Variants in PSAT1 observed in about 807,000 individuals in gnomAD.
PSAT1 encodes the protein phosphoserine aminotransferase 1.
In PSAT1, 41 loss-of-function variants were observed where a neutral mutation model predicts 40.3. The ratio of observed to expected loss-of-function variants is 1.02; its 90% CI spans 0.79 to 1.32. PSAT1 has a LOEUF of 1.32. Among genes scored for constraint, PSAT1 ranks in the 40% most tolerant of loss-of-function variants. PSAT1 has a pLI of 0.00. For synonymous variants in PSAT1, 147 were observed against 170.5 expected (o/e 0.86, Z 1.07); for missense variants, 406 against 455.8 (o/e 0.89, Z 0.99).
At chr9:78,306,916 G>A (rs1294401485) in intron 5 of PSAT1, among the ~76,000 whole-genome samples, 1 of 152,236 alleles carries the variant, frequency 6.6e-6, no homozygotes, top group Non-Finnish European at 1.5e-5. Flanking sequence ...CCAAGGCAGG[G>A]CAGTGGGACT....
chr9:78,297,539 G>T (rs538658277), intron 1 of PSAT1, among the ~76,000 whole-genome samples: 395 of 152,228 alleles, frequency 2.6e-3, no homozygotes, highest in African/African-American at 9.2e-3. Context: ...TCAGCTGGCC[G>T]GGGCCTGCTG....
chr9:78,302,083 T>A, intron 3 of PSAT1, 60 bp downstream of exon 3: 1 of 1,167,138 alleles, frequency 8.6e-7, no homozygotes, highest in Non-Finnish European at 1.3e-6. Flanking sequence ...AATCTGGATG[T>A]CTTCCAGTAT....
Position 78,301,969 on chromosome 9 carries a change from C to T in PSAT1, c.137C>T (p.Ser46Leu). 4 of 1,610,536 alleles carry T rather than the reference C, an allele frequency of 2.5e-6. No homozygotes were observed. In the African/African-American group the frequency reaches 4.0e-5, roughly 16 times the overall value. The stretch of plus-strand genomic sequence containing the variant: ...CCTTTCACAGAAATGAGTCACAGGT[C>T]ATCAGATTTTGCCAAGATTATTAAC... ...GISVLEMSHR[S>L]SDFAKIINNT... Residue 46 changes from serine to leucine, a missense_variant, in exon 3 of 9, where the codon TCA becomes TTA. Transcript: ENST00000376588.
In PSAT1 at chr9:78,299,144, C is replaced by CAAAA. The variant is rs71360679; in HGVS notation, c.61-1433_61-1430dup. On this transcript the variant is annotated intron_variant, in intron 1 of 8. Coordinates refer to ENST00000376588, the MANE Select transcript of PSAT1 (RefSeq NM_058179.4). ...GATAGAGCAAGACCCTGTCTCTTAA[C>CAAAA]AAAAAAAAAAAAAAAAAAAAAAAAA... 4.7e-4 allele frequency among the ~76,000 whole-genome samples: 41 copies of CAAAA among 87,302 alleles called. 1 individual carries two copies. Among genetic ancestry groups the CAAAA allele is most frequent in the African/African-American group, 1.6e-3 (35 of 21,952 alleles). The allele number at this position is 87,302 out of a possible 152,430, so 57.3% of individuals were successfully genotyped here.
At chr9:78,303,375 C>T (rs1283421847) in intron 3 of PSAT1, among the ~76,000 whole-genome samples, 1 of 152,144 alleles carries the variant, frequency 6.6e-6, no homozygotes, top group Non-Finnish European at 1.5e-5. Flanking sequence ...CAATCCTGTC[C>T]TTCATGGAGT....
intron 6 of PSAT1, 59 bp from the exon 7 acceptor site, chr9:78,317,617 A>G (rs1828366170): frequency 1.5e-5 from 23 of 1,586,092 alleles, no homozygotes; most frequent in Middle Eastern, 3.3e-4. Flanking sequence ...GTTTGCTTGA[A>G]TATAGTTCTA....
intron 1 of PSAT1, chr9:78,298,437 C>G: frequency 5.1e-6 from 5 of 985,154 alleles, no homozygotes; most frequent in Non-Finnish European, 6.0e-6. Flanking sequence ...GAAAGGACTT[C>G]TTACTTTTCT....
At chr9:78,299,518 T>TTTG (rs1352112191) in intron 1 of PSAT1, among the ~76,000 whole-genome samples, 1 of 146,726 alleles carries the variant, frequency 6.8e-6, no homozygotes, top group African/African-American at 2.5e-5. Flanking sequence ...CTAATTCTTT[T>TTTG]TTTTTTTTTT....
chr9:78,299,211 G>GAA (rs34154867), intron 1 of PSAT1, among the ~76,000 whole-genome samples: 64,432 of 140,144 alleles, frequency 0.46, 15,063 homozygotes, highest in Admixed American at 0.55. Context: ...TCTTCAACTG[G>GAA]AAAAAAAAAA....
chr9:78,322,116 T>C (rs1045333983), intron 7 of PSAT1, among the ~76,000 whole-genome samples: 9 of 149,374 alleles, frequency 6.0e-5, no homozygotes, highest in African/African-American at 2.2e-4. Context: ...TAAGCTTATG[T>C]AATATAATTA....
intron 7 of PSAT1, among the ~76,000 whole-genome samples, chr9:78,325,535 C>G (rs1828484517): frequency 6.6e-6 from 1 of 152,230 alleles, no homozygotes; most frequent in Non-Finnish European, 1.5e-5. Flanking sequence ...GCCAGATGCC[C>G]TTTCTTCTCA....
At chr9:78,323,485 C>T (rs1393995633) in intron 7 of PSAT1, among the ~76,000 whole-genome samples, 3 of 152,016 alleles carry the variant, frequency 2.0e-5, no homozygotes, top group South Asian at 2.1e-4. Flanking sequence ...GAAGCTGAGG[C>T]GGGAGGATCG....
intron 3 of PSAT1, among the ~76,000 whole-genome samples, chr9:78,303,625 C>G (rs1828139446): frequency 6.6e-6 from 1 of 152,118 alleles, no homozygotes; most frequent in South Asian, 2.1e-4. Context: ...ATCAGTCTTC[C>G]CAGCTGCTAA....
chr9:78,305,051 T>C (rs1229674983), intron 4 of PSAT1, 111 bp downstream of exon 4: 2 of 968,116 alleles, frequency 2.1e-6, no homozygotes, highest in Non-Finnish European at 3.2e-6. Context: ...GTTAGTTCAT[T>C]ACCATTTAGA....
At chr9:78,298,191 C>A in intron 1 of PSAT1, 1 of 723,058 alleles carries the variant, frequency 1.4e-6, no homozygotes, top group Non-Finnish European at 1.7e-6. Context: ...CCGTCCCCAG[C>A]CCCACCCGCA....
At position 78,306,027 on chromosome 9, in the gene PSAT1, A is replaced by G. The variant is rs200329156; in HGVS notation, c.398-287A>G. On this transcript the variant is annotated intron_variant, in intron 4 of 8. Transcript: ENST00000376588. Reference sequence around the variant, plus strand: ...ATCCTCCCACCTTAGCCTCCTAAATATCTGGGACTATGGGCACATACCACC... The same window carrying G: ...ATCCTCCCACCTTAGCCTCCTAAATGTCTGGGACTATGGGCACATACCACC... Among the ~76,000 whole-genome samples, 3 of 152,172 alleles carry G rather than the reference A, an allele frequency of 2.0e-5. No individual in the cohort carries two copies. In the East Asian group the frequency reaches 5.8e-4, roughly 29 times the overall value.
intron 6 of PSAT1, among the ~76,000 whole-genome samples, chr9:78,311,856 A>T (rs542928540): frequency 1.3e-5 from 2 of 151,926 alleles, no homozygotes; most frequent in South Asian, 4.2e-4. Context: ...CAAAAACAAA[A>T]ACAAAACAAA....
intron 5 of PSAT1, 27 bp downstream of exon 5, chr9:78,306,513 GA>G (rs1441868388): frequency 6.2e-7 from 1 of 1,613,794 alleles, no homozygotes. Flanking sequence ...AGGGTGAGGG[GA>G]ACCCACTGAC....
intron 7 of PSAT1, among the ~76,000 whole-genome samples, chr9:78,319,788 C>T (rs1026250345): frequency 2.0e-5 from 3 of 152,144 alleles, no homozygotes; most frequent in Admixed American, 6.5e-5. Context: ...GAATCATCCC[C>T]GCAAAGGCAC....
Sources: allele counts gnomAD v4.1 joint callset (sites outside exome capture counted in the v4.1 genomes callset), GRCh38; gene constraint gnomAD v4.1.1; transcripts MANE v1.5; gene names NCBI Gene and HGNC (gene_info 2026-07-23, HGNC 2026-07-21).